NCALD: variants seen among roughly 807,000 people sequenced by gnomAD.
NCALD encodes the protein neurocalcin-delta.
A neutral mutation model predicts 18.6 loss-of-function variants in NCALD; 10 were observed. That is an observed-to-expected ratio of 0.54 (90% CI 0.33 to 0.91). NCALD has a LOEUF of 0.91. Ranked by LOEUF, NCALD falls within the 40% of genes least tolerant of loss-of-function variation. NCALD has a pLI of 0.03. For missense variants in NCALD, 184 were observed against 247.6 expected, an observed-to-expected ratio of 0.74 and a Z score of 1.72; for synonymous variants, 88 against 87.4, an observed-to-expected ratio of 1.01 and a Z score of -0.04.
At chr8:101,842,974 A>G (rs1286154905) in intron 4 of NCALD, among the ~76,000 whole-genome samples, 1 of 152,232 alleles carries the variant, frequency 6.6e-6, no homozygotes, top group African/African-American at 2.4e-5. Flanking sequence ...AATACCATAC[A>G]TAAAAAAGCA....
chr8:101,959,643 A>G (rs1030048623), intron 2 of NCALD, among the ~76,000 whole-genome samples: 1 of 152,176 alleles, frequency 6.6e-6, no homozygotes, highest in East Asian at 1.9e-4. Flanking sequence ...CCAGCAGGCT[A>G]CTAGGTCCTA....
At chr8:101,737,483 A>G (rs907583007) in intron 1 of NCALD, among the ~76,000 whole-genome samples, 2 of 152,058 alleles carry the variant, frequency 1.3e-5, no homozygotes, top group Admixed American at 6.5e-5. Flanking sequence ...TAAATGCCAA[A>G]CCCCATAGCC....
chr8:102,003,951 C>CT (rs2132037455), intron 2 of NCALD, among the ~76,000 whole-genome samples: 1 of 152,030 alleles, frequency 6.6e-6, no homozygotes, highest in Non-Finnish European at 1.5e-5. Context: ...TGGAAGCATT[C>CT]CCTTTGAAAA....
At chr8:101,835,551 C>T (rs945522827) in intron 4 of NCALD, among the ~76,000 whole-genome samples, 3 of 152,214 alleles carry the variant, frequency 2.0e-5, no homozygotes, top group Admixed American at 1.3e-4. Flanking sequence ...GGTCTAGGTG[C>T]TTAAATTCTA....
chr8:101,993,576 C>T (rs1025996439), intron 2 of NCALD, among the ~76,000 whole-genome samples: 2 of 152,178 alleles, frequency 1.3e-5, no homozygotes, highest in African/African-American at 4.8e-5. Context: ...GAAGCAGGGG[C>T]AGGTCTGGCA....
intron 1 of NCALD, among the ~76,000 whole-genome samples, chr8:101,773,525 T>A (rs2130909257): frequency 6.6e-6 from 1 of 152,238 alleles, no homozygotes; most frequent in East Asian, 1.9e-4. Context: ...AGATTTAGAA[T>A]TTTGCCAGGA....
chr8:102,113,961 CAGAGA>C, intron 1 of NCALD, among the ~76,000 whole-genome samples: 1 of 152,302 alleles, frequency 6.6e-6, no homozygotes, highest in East Asian at 1.9e-4. Context: ...TAGTTCAGAT[CAGAGA>C]AGAGTAGCGA....
chr8:101,742,416 A>G (rs1810243622), intron 1 of NCALD, among the ~76,000 whole-genome samples: 1 of 152,216 alleles, frequency 6.6e-6, no homozygotes, highest in Admixed American at 6.5e-5. Context: ...GATACAGAGC[A>G]CTATGCTAAT....
At chr8:101,778,158 G>A (rs1811870213) in intron 1 of NCALD, among the ~76,000 whole-genome samples, 1 of 152,218 alleles carries the variant, frequency 6.6e-6, no homozygotes, top group Non-Finnish European at 1.5e-5. Flanking sequence ...AGGCTTGCCT[G>A]TCTGCTTCCC....
At position 101,692,784 on chromosome 8, in the gene NCALD, C is replaced by T; in HGVS notation, c.484+7G>A. On this transcript the variant is annotated splice_region_variant and intron_variant, in intron 3 of 3. Coordinates refer to ENST00000220931, the MANE Select transcript of NCALD (RefSeq NM_032041.3). ...CTGAGCAAAGCAGTGTAGCCCCCGC[C>T]TCCTACCGTCTCTATTGGTGTCCAT... is the stretch of plus-strand genomic sequence containing the variant. The T allele has an allele frequency of 1.9e-6, 3 of 1,609,320 alleles. No individual in the cohort carries two copies. The highest frequency in any genetic ancestry group is 2.6e-6 in the Non-Finnish European group (3 of 1,175,936).
intron 4 of NCALD, among the ~76,000 whole-genome samples, chr8:101,835,711 TGTGTGTGCATGC>T (rs748995093): frequency 4.1e-4 from 62 of 152,020 alleles, no homozygotes; most frequent in Non-Finnish European, 8.7e-4. Context: ...TGTGTGTGAG[TGTGTGTGCATGC>T]GTGTGTGTGA....
chr8:101,795,267 A>C (rs1812597012), upstream of NCALD, among the ~76,000 whole-genome samples: 1 of 152,188 alleles, frequency 6.6e-6, no homozygotes, highest in Non-Finnish European at 1.5e-5. Flanking sequence ...GGCAGCAAAA[A>C]TTTTAAGTGC....
At chr8:101,949,301 G>A (rs1819298563) in intron 2 of NCALD, among the ~76,000 whole-genome samples, 1 of 151,962 alleles carries the variant, frequency 6.6e-6, no homozygotes, top group Non-Finnish European at 1.5e-5. Context: ...CGCACACTCA[G>A]GATTTGAACC....
intron 1 of NCALD, among the ~76,000 whole-genome samples, chr8:102,025,013 A>C (rs1312287602): frequency 1.3e-5 from 2 of 152,178 alleles, no homozygotes; most frequent in East Asian, 1.9e-4. Flanking sequence ...CCATGTAACC[A>C]TTATGTCTTT....
At chr8:102,118,919 T>C (rs1825867331) in intron 1 of NCALD, among the ~76,000 whole-genome samples, 1 of 152,202 alleles carries the variant, frequency 6.6e-6, no homozygotes, top group African/African-American at 2.4e-5. Flanking sequence ...ATGGCTATTA[T>C]ATTAAAAGAA....
chr8:101,909,911 T>C (rs189558537), intron 3 of NCALD, among the ~76,000 whole-genome samples: 2 of 152,286 alleles, frequency 1.3e-5, no homozygotes, highest in Non-Finnish European at 2.9e-5. Flanking sequence ...CATCTACCTA[T>C]GTGATGTGAT....
intron 4 of NCALD, among the ~76,000 whole-genome samples, chr8:101,856,280 C>T (rs1025037129): frequency 1.3e-4 from 20 of 152,250 alleles, no homozygotes; most frequent in African/African-American, 4.8e-4. Flanking sequence ...CACGTAAATT[C>T]TCCCACTTCA....
Position 101,984,482 on chromosome 8 carries a change from C to CA in NCALD, c.-157+35754dup, listed in dbSNP as rs112534745. Reference sequence around the variant, plus strand: ...ACTAATAAATGTTGAAGCTCTGAAGCAAAAAGCATTTGCTTAACCCAGTTT... The same window carrying CA: ...ACTAATAAATGTTGAAGCTCTGAAGCAAAAAAGCATTTGCTTAACCCAGTTT... On this transcript the variant is annotated intron_variant, in intron 2 of 6. Transcript: ENST00000311028. 4.3e-3 allele frequency among the ~76,000 whole-genome samples: 660 copies of CA among 152,240 alleles called. 2 individuals are homozygous for CA. The highest frequency in any genetic ancestry group is 0.014 in the African/African-American group (583 of 41,548).
At chr8:102,119,809 A>C (rs1040686766) in intron 1 of NCALD, among the ~76,000 whole-genome samples, 1 of 152,174 alleles carries the variant, frequency 6.6e-6, no homozygotes, top group Non-Finnish European at 1.5e-5. Flanking sequence ...AAGACAGGGG[A>C]CTAGATCTTA....
Sources: gnomAD v4.1 joint callset for allele counts (sites outside exome capture counted in the v4.1 genomes callset) on GRCh38, gnomAD v4.1.1 for gene constraint, MANE v1.5 for transcripts, NCBI Gene and HGNC (gene_info 2026-07-23, HGNC 2026-07-21) for gene names.